Variants in TNRC6C observed in about 807,000 individuals in gnomAD.
TNRC6C encodes trinucleotide repeat containing adaptor 6C.
Under a neutral mutation model 153.7 loss-of-function variants are expected in TNRC6C, and 20 were observed. The observed-to-expected ratio is 0.13, with a 90% CI of 0.09 to 0.19. The LOEUF (loss-of-function observed/expected upper bound fraction) is 0.19. TNRC6C is among the 10% of genes least tolerant of loss of function. The pLI is 1.00. For synonymous variants in TNRC6C, 811 were observed against 841.4 expected, an observed-to-expected ratio of 0.96 and a Z score of 0.63; for missense variants, 1,987 against 2,172.0, an observed-to-expected ratio of 0.91 and a Z score of 1.69.
intron 1 of TNRC6C, among the ~76,000 whole-genome samples, chr17:78,006,489 TTCTTTCTTCTTCTTCTTC>T (rs1396264443): frequency 4.2e-5 from 6 of 141,928 alleles, no homozygotes; most frequent in African/African-American, 1.4e-4. Context: ...CTTCTTCTTC[TTCTTTCTTCTTCTTCTTC>T]TTCTTCTTCT....
intron 5 of TNRC6C, 97 bp downstream of exon 7, chr17:78,068,020 G>T: frequency 7.0e-7 from 1 of 1,430,440 alleles, no homozygotes. Context: ...ATAGACCTGA[G>T]GTTCTCAAAG....
intron 1 of TNRC6C, among the ~76,000 whole-genome samples, chr17:78,019,926 GAA>G (rs144423436): frequency 1.1e-3 from 174 of 152,232 alleles, no homozygotes; most frequent in African/African-American, 4.2e-3. Flanking sequence ...GTGAGGATCT[GAA>G]AAGAGTTTAT....
intron 5 of TNRC6C, 121 bp from the exon 8 acceptor site, chr17:78,070,964 G>A: frequency 1.0e-6 from 1 of 957,104 alleles, no homozygotes; most frequent in South Asian, 1.5e-5. Context: ...ATTATTCAAT[G>A]TTAATACAAA....
At chr17:78,076,175 C>T (rs1378379217) in intron 8 of TNRC6C, among the ~76,000 whole-genome samples, 3 of 150,310 alleles carry the variant, frequency 2.0e-5, no homozygotes, top group Non-Finnish European at 3.0e-5. Context: ...GAGATCGTGC[C>T]ATTGCACTCC....
At chr17:78,050,493 G>T (rs2072503085) in exon 3 of TNRC6C, 1 of 1,613,908 alleles carries the variant, frequency 6.2e-7, no homozygotes, top group Admixed American at 1.7e-5. Context: ...ATGGGACAGA[G>T]GCCTGGGGTT....
intron 13 of TNRC6C, among the ~76,000 whole-genome samples, chr17:78,087,446 T>G (rs902440153): frequency 4.0e-5 from 6 of 151,324 alleles, no homozygotes; most frequent in Non-Finnish European, 8.8e-5. Context: ...GGAACAACAC[T>G]AACCACGTTG....
chr17:78,102,374 G>A, intron 17 of TNRC6C, 100 bp from the exon 21 acceptor site: 1 of 1,105,904 alleles, frequency 9.0e-7, no homozygotes. Context: ...CGCAGTGACG[G>A]CCTGTGCTGT....
intron 1 of TNRC6C, among the ~76,000 whole-genome samples, chr17:78,017,915 C>T (rs567207702): frequency 6.6e-6 from 1 of 152,344 alleles, no homozygotes; most frequent in Admixed American, 6.5e-5. Flanking sequence ...CTTTTTCAGG[C>T]TCTGCTTAAT....
intron 5 of TNRC6C, among the ~76,000 whole-genome samples, chr17:78,068,877 C>T (rs1275836089): frequency 2.0e-5 from 3 of 152,036 alleles, no homozygotes; most frequent in African/African-American, 7.2e-5. Context: ...CTACATGAGA[C>T]GTGTATCTCA....
exon 20 of TNRC6C, chr17:78,108,705 T>G (rs1434264667): frequency 1.3e-5 from 2 of 154,264 alleles, no homozygotes; most frequent in African/African-American, 4.8e-5. Flanking sequence ...GGCCTGGGTG[T>G]CCAGGGCACC....
chr17:78,024,298 G>A (rs916688704), intron 1 of TNRC6C, among the ~76,000 whole-genome samples: 3 of 152,124 alleles, frequency 2.0e-5, no homozygotes, highest in African/African-American at 4.8e-5. Flanking sequence ...CTTCTCTGTT[G>A]TGGGTTGTAT....
At chr17:78,013,716 A>G (rs1425132749) in intron 1 of TNRC6C, among the ~76,000 whole-genome samples, 3 of 152,012 alleles carry the variant, frequency 2.0e-5, no homozygotes, top group African/African-American at 7.3e-5. Flanking sequence ...GTATCATTGA[A>G]TCTGAAGGGT....
chr17:78,025,821 G>A (rs1325742409), intron 1 of TNRC6C, among the ~76,000 whole-genome samples: 3 of 152,140 alleles, frequency 2.0e-5, no homozygotes, highest in Admixed American at 2.0e-4. Flanking sequence ...AGGGAAATAG[G>A]AGCAGAGACA....
chr17:78,034,710 C>G (rs2072145344), intron 2 of TNRC6C, among the ~76,000 whole-genome samples: 1 of 152,138 alleles, frequency 6.6e-6, no homozygotes. Context: ...TGGCTGATGC[C>G]TGTAATCCCA....
chr17:78,037,596 A>G (rs186998179), intron 2 of TNRC6C, among the ~76,000 whole-genome samples: 1 of 152,336 alleles, frequency 6.6e-6, no homozygotes, highest in East Asian at 1.9e-4. Flanking sequence ...ACCTGCATGC[A>G]TGAAAAGCGC....
intron 9 of TNRC6C, among the ~76,000 whole-genome samples, chr17:78,078,029 G>A (rs748296668): frequency 1.3e-5 from 2 of 152,018 alleles, no homozygotes; most frequent in African/African-American, 4.8e-5. Flanking sequence ...CACACACACC[G>A]CTTGGAGACA....
At chr17:78,064,655 G>A in intron 3 of TNRC6C, 67 bp from the exon 6 acceptor site, 1 of 1,453,276 alleles carries the variant, frequency 6.9e-7, no homozygotes, top group Middle Eastern at 1.7e-4. Flanking sequence ...ATTGAAAACT[G>A]AATTATATTT....
chr17:78,105,725 G>T (rs2073682679), exon 20 of TNRC6C: 1 of 152,222 alleles, frequency 6.6e-6, no homozygotes, highest in South Asian at 2.1e-4. Context: ...GGATTTAACT[G>T]TGGGTTTTCC....
chr17:78,090,751 G>A (rs1197047206), intron 13 of TNRC6C, among the ~76,000 whole-genome samples: 1 of 152,146 alleles, frequency 6.6e-6, no homozygotes, highest in East Asian at 1.9e-4. Context: ...CCCAGCTGGG[G>A]GCAGATGGCA....
Sources: gnomAD v4.1 joint callset for allele counts (sites outside exome capture counted in the v4.1 genomes callset) on GRCh38, gnomAD v4.1.1 for gene constraint, MANE v1.5 for transcripts, NCBI Gene and HGNC (gene_info 2026-07-23, HGNC 2026-07-21) for gene names.